Variants in MAGI2 observed in about 807,000 individuals in gnomAD.
MAGI2 encodes the protein membrane associated guanylate kinase, WW and PDZ domain containing 2.
MAGI2 carries 35 observed loss-of-function variants against 133.3 expected under a neutral mutation model. That is an observed-to-expected ratio of 0.26 (90% CI 0.20 to 0.35). The LOEUF is 0.35. Ranked by LOEUF, MAGI2 falls within the 10% of genes least tolerant of loss-of-function variation. The pLI is 1.00. For synonymous variants in MAGI2, 729 were observed against 710.6 expected, an observed-to-expected ratio of 1.03 and a Z score of -0.41; for missense variants, 1,636 against 1,863.4, an observed-to-expected ratio of 0.88 and a Z score of 2.25.
intron 3 of MAGI2, among the ~76,000 whole-genome samples, chr7:78,548,881 G>C (rs1799097828): frequency 6.6e-6 from 1 of 152,044 alleles, no homozygotes; most frequent in South Asian, 2.1e-4. Flanking sequence ...TATTGAGTTA[G>C]GTAAAAAGAA....
intron 1 of MAGI2, among the ~76,000 whole-genome samples, chr7:79,162,988 C>G (rs2129547877): frequency 6.6e-6 from 1 of 152,052 alleles, no homozygotes; most frequent in East Asian, 1.9e-4. Context: ...ATAAGTCCCT[C>G]TGCCATAGGG....
rs754065653 is a variant in MAGI2, at chr7:78,167,912, A to G, written c.2596+4T>C. The G allele has an allele frequency of 1.2e-6, 2 of 1,613,020 alleles. No individual in the cohort carries two copies. Among genetic ancestry groups the G allele is most frequent in the African/African-American group, 1.3e-5 (1 of 74,906 alleles). ...GATTCCTGCAGCAGGCTCCAGGTACATACCTCCACATAGCACCTTTCTTCT... is the reference window on the plus strand; with the variant it reads ...GATTCCTGCAGCAGGCTCCAGGTACGTACCTCCACATAGCACCTTTCTTCT... On this transcript the variant is annotated splice_donor_region_variant and intron_variant, in intron 15 of 21. Transcript: ENST00000354212.
At chr7:78,496,490 C>T (rs897779994) in intron 5 of MAGI2, among the ~76,000 whole-genome samples, 3 of 152,218 alleles carry the variant, frequency 2.0e-5, no homozygotes, top group African/African-American at 7.2e-5. Flanking sequence ...AACCCTGTGG[C>T]AGCTCTTCTT....
At chr7:78,236,097 A>G (rs1415329014) in intron 10 of MAGI2, among the ~76,000 whole-genome samples, 3 of 151,026 alleles carry the variant, frequency 2.0e-5, no homozygotes, top group Non-Finnish European at 2.9e-5. Context: ...AACTAGCACA[A>G]TTTGTGGGTT....
chr7:78,234,582 ATTT>A (rs1429525202), intron 10 of MAGI2, among the ~76,000 whole-genome samples: 1 of 10,626 alleles, frequency 9.4e-5, no homozygotes, highest in Non-Finnish European at 4.1e-4. Flanking sequence ...TATTCATTAT[ATTT>A]CATATAATAT....
chr7:78,649,765 C>T (rs994580714), intron 2 of MAGI2, among the ~76,000 whole-genome samples: 1 of 152,100 alleles, frequency 6.6e-6, no homozygotes. Flanking sequence ...CATTGGTATG[C>T]AGCCAAGTGG....
rs544666388 is a variant in MAGI2 at position 79,192,536 on chromosome 7, C to T, written c.302-185330G>A. Reference sequence around the variant, plus strand: ...TGGGGATGTGAGAGACTCTCACTTACATAAAGTGGTTAGAAAAGGCTTTTC... The same window carrying T: ...TGGGGATGTGAGAGACTCTCACTTATATAAAGTGGTTAGAAAAGGCTTTTC... On this transcript the variant is annotated intron_variant, in intron 1 of 21. Transcript: ENST00000354212. Among the ~76,000 whole-genome samples the T allele has an allele frequency of 1.3e-3, 192 of 151,840 alleles. 1 individual carries two copies. Among genetic ancestry groups the T allele is most frequent in the Non-Finnish European group, 2.3e-3 (156 of 67,968 alleles).
chr7:78,113,412 G>A (rs1819551626), intron 20 of MAGI2, among the ~76,000 whole-genome samples: 1 of 152,168 alleles, frequency 6.6e-6, no homozygotes, highest in Non-Finnish European at 1.5e-5. Context: ...CCTCTGTGCT[G>A]AGTAGTGAGT....
At chr7:78,559,898 A>C (rs1054865652) in intron 3 of MAGI2, among the ~76,000 whole-genome samples, 8 of 152,156 alleles carry the variant, frequency 5.3e-5, no homozygotes, top group African/African-American at 1.9e-4. Flanking sequence ...GGGCAACTTC[A>C]ATATTGGAAA....
chr7:78,815,696 T>C (rs765279098), intron 2 of MAGI2, among the ~76,000 whole-genome samples: 9 of 152,208 alleles, frequency 5.9e-5, no homozygotes, highest in East Asian at 1.9e-4. Flanking sequence ...GTTTTGATGT[T>C]ACTATTGTAA....
chr7:78,586,063 T>C (rs1232701641), intron 3 of MAGI2, among the ~76,000 whole-genome samples: 1 of 152,168 alleles, frequency 6.6e-6, no homozygotes, highest in Non-Finnish European at 1.5e-5. Flanking sequence ...GATGACCGAG[T>C]GCACCAAATT....
At chr7:78,653,437 T>C (rs1230541056) in intron 2 of MAGI2, among the ~76,000 whole-genome samples, 1 of 152,210 alleles carries the variant, frequency 6.6e-6, no homozygotes, top group Non-Finnish European at 1.5e-5. Context: ...ATATACATTA[T>C]GGAATACTAT....
intron 2 of MAGI2, among the ~76,000 whole-genome samples, chr7:78,719,749 A>G (rs1359604734): frequency 6.6e-6 from 1 of 152,166 alleles, no homozygotes; most frequent in African/African-American, 2.4e-5. Context: ...AGTACTATCA[A>G]TAGTTTCATT....
At chr7:78,785,405 A>AG (rs1179379602) in intron 2 of MAGI2, among the ~76,000 whole-genome samples, 1 of 152,192 alleles carries the variant, frequency 6.6e-6, no homozygotes, top group Non-Finnish European at 1.5e-5. Context: ...TTCTATTTTA[A>AG]TTTTTACAAA....
chr7:78,462,583 C>G (rs1396005509), intron 6 of MAGI2, among the ~76,000 whole-genome samples: 1 of 152,106 alleles, frequency 6.6e-6, no homozygotes, highest in African/African-American at 2.4e-5. Context: ...AAAGAAGGTG[C>G]CTCTGATTTC....
chr7:79,211,759 C>T (rs894025937), intron 1 of MAGI2, among the ~76,000 whole-genome samples: 1 of 151,906 alleles, frequency 6.6e-6, no homozygotes, highest in African/African-American at 2.4e-5. Flanking sequence ...TAAAATGACA[C>T]AGGTTTTAAG....
chr7:79,166,484 T>C (rs1045805260), intron 1 of MAGI2, among the ~76,000 whole-genome samples: 1 of 152,112 alleles, frequency 6.6e-6, no homozygotes, highest in Non-Finnish European at 1.5e-5. Flanking sequence ...TTCAGCCTGA[T>C]GAGACCCTGG....
intron 1 of MAGI2, among the ~76,000 whole-genome samples, chr7:79,138,233 T>C (rs937107318): frequency 2.6e-5 from 4 of 152,116 alleles, no homozygotes; most frequent in Non-Finnish European, 2.9e-5. Flanking sequence ...ATAGTAGCCA[T>C]AGGAAACAAA....
chr7:79,076,749 A>T (rs1221410635), intron 1 of MAGI2, among the ~76,000 whole-genome samples: 2 of 152,202 alleles, frequency 1.3e-5, no homozygotes, highest in Non-Finnish European at 2.9e-5. Flanking sequence ...ATGTAGACAT[A>T]CTGTAGATGT....
Sources: allele counts gnomAD v4.1 joint callset (sites outside exome capture counted in the v4.1 genomes callset), GRCh38; gene constraint gnomAD v4.1.1; transcripts MANE v1.5; gene names NCBI Gene and HGNC (gene_info 2026-07-23, HGNC 2026-07-21).